The following CHD6 variants were observed in gnomAD, a reference collection of about 807,000 sequenced individuals.
The protein encoded by CHD6 is chromodomain helicase DNA binding protein 6.
CHD6 carries 50 observed loss-of-function variants against 276.9 expected under a neutral mutation model. The observed-to-expected ratio is 0.18, with a 90% CI of 0.14 to 0.23. The LOEUF (loss-of-function observed/expected upper bound fraction) is 0.23. Among genes scored for constraint, CHD6 ranks in the 10% least tolerant of loss-of-function variants. The probability of loss-of-function intolerance (pLI) is 1.00; values close to 1 mark genes in which losing one functional copy is unlikely to be tolerated. For missense variants in CHD6, 2,564 were observed against 3,365.8 expected, an observed-to-expected ratio of 0.76 and a Z score of 5.89; for synonymous variants, 1,173 against 1,229.3, an observed-to-expected ratio of 0.95 and a Z score of 0.96.
In CHD6 at chr20:41,417,312, G is replaced by C. The variant is rs1410250748; in HGVS notation, c.6165C>G (p.Ser2055Arg). The change falls in exon 32 of 37, where the codon AGC becomes AGG. Residue 2055 changes from serine (S) to arginine (R), a missense_variant. Physicochemically the swap from Ser to Arg is moderately radical, Grantham distance 110. Coordinates refer to ENST00000373233, the MANE Select transcript of CHD6 (RefSeq NM_032221.5). ...PGKYSEEESK[S>R]STSGITGDIG... ...TGTCTCCTGTGATGCCCGATGTTGA[G>C]CTCTTGCTCTCCTCTTCAGAGTACT... The C allele has an allele frequency of 1.1e-5, 17 of 1,614,004 alleles. No homozygotes were observed. Among genetic ancestry groups the C allele is most frequent in the Non-Finnish European group, 1.2e-5 (14 of 1,180,036 alleles).
chr20:41,489,729 G>C, intron 12 of CHD6, 49 bp downstream of exon 12: 6 of 1,610,006 alleles, frequency 3.7e-6, no homozygotes, highest in Non-Finnish European at 5.1e-6. Flanking sequence ...CAGAAAGGCT[G>C]TTCTGAGCTT....
intron 1 of CHD6, among the ~76,000 whole-genome samples, chr20:41,595,942 C>A (rs1194447947): frequency 6.6e-6 from 1 of 152,068 alleles, no homozygotes; most frequent in Non-Finnish European, 1.5e-5. Flanking sequence ...CCTCTACCCC[C>A]TAAAAGCTAC....
chr20:41,466,903 A>C (rs927787214), intron 17 of CHD6, among the ~76,000 whole-genome samples: 5 of 152,214 alleles, frequency 3.3e-5, no homozygotes, highest in African/African-American at 1.2e-4. Context: ...GAACCTCCTG[A>C]AGATATGTGC....
chr20:41,550,471 T>C (rs1568695962), intron 2 of CHD6, among the ~76,000 whole-genome samples: 1 of 152,192 alleles, frequency 6.6e-6, no homozygotes, highest in East Asian at 1.9e-4. Flanking sequence ...GTAGTCCTTG[T>C]AACCATAACC....
rs1266022655 is a variant in CHD6, at chr20:41,410,898, C to A, written c.7251+1246G>T. ...AGAACCGGAGATCTTCCCTTGATGG[C>A]GTATCTGAGACACCGTGTGCCGAGA... On this transcript the variant is annotated intron_variant, in intron 36 of 36. Transcript: ENST00000373233. 2.6e-5 allele frequency among the ~76,000 whole-genome samples: 4 copies of A among 152,014 alleles called. No homozygotes were observed. In the South Asian group the frequency reaches 8.3e-4, roughly 32 times the overall value.
Position 41,408,037 on chromosome 20 carries a change from T to C in CHD6, c.7252-2548A>G, listed in dbSNP as rs568890160. On this transcript the variant is annotated intron_variant, in intron 36 of 36. Transcript: ENST00000373233. ...GAAATATTTTTTGAACTCCTACACC[T>C]GTCCTTCAGTTTCCCAAGAATATTA... Among the ~76,000 whole-genome samples, 5 of 151,974 alleles carry C rather than the reference T, an allele frequency of 3.3e-5. No individual in the cohort carries two copies. The South Asian group carries it at 1.0e-3, about 32-fold the overall frequency.
intron 1 of CHD6, among the ~76,000 whole-genome samples, chr20:41,599,772 C>A (rs1447296570): frequency 1.3e-5 from 2 of 152,214 alleles, no homozygotes; most frequent in Non-Finnish European, 2.9e-5. Flanking sequence ...TGTTTCTCTG[C>A]TTAATCTATA....
intron 14 of CHD6, among the ~76,000 whole-genome samples, chr20:41,485,135 A>T (rs1285648606): frequency 6.6e-6 from 1 of 152,222 alleles, no homozygotes; most frequent in East Asian, 1.9e-4. Flanking sequence ...GTTATAGGTG[A>T]CATCTACTCT....
intron 6 of CHD6, among the ~76,000 whole-genome samples, 171 bp downstream of exon 6, chr20:41,499,124 T>C (rs562011725): frequency 2.0e-5 from 3 of 152,204 alleles, no homozygotes; most frequent in Non-Finnish European, 2.9e-5. Context: ...GAGTTTTATG[T>C]CCTAAAATGC....
chr20:41,610,913 G>C (rs571437348), intron 1 of CHD6, among the ~76,000 whole-genome samples: 9 of 152,312 alleles, frequency 5.9e-5, no homozygotes, highest in Admixed American at 3.9e-4. Context: ...GAGAACTACA[G>C]TGTTATACTT....
intron 17 of CHD6, among the ~76,000 whole-genome samples, chr20:41,469,361 T>A (rs755752406): frequency 6.6e-6 from 1 of 151,800 alleles, no homozygotes; most frequent in Non-Finnish European, 1.5e-5. Flanking sequence ...ATGCAAAAAG[T>A]CCCCCAGAGA....
chr20:41,512,750 C>A (rs1168090953), intron 5 of CHD6, 96 bp downstream of exon 5: 1 of 1,396,440 alleles, frequency 7.2e-7, no homozygotes, highest in East Asian at 2.3e-5. Context: ...TTAAAATGAT[C>A]TGACTTATGC....
In CHD6 at chr20:41,402,084, G is replaced by T. The variant is rs2046555097; in HGVS notation, c.*2509C>A. On this transcript the variant is annotated 3_prime_UTR_variant, in exon 37 of 37. Transcript: ENST00000373233. The stretch of plus-strand genomic sequence containing the variant: ...CACTGAATTCCTCAAATACAAATGT[G>T]ACTTTTAAACTTTTTCTTTTGTTTT... 1 of 184,212 alleles carries T rather than the reference G, an allele frequency of 5.4e-6. No homozygotes were observed. The highest frequency in any genetic ancestry group is 1.2e-5 in the Non-Finnish European group (1 of 86,766). The allele number at this position is 184,212 out of a possible 1,614,324, so 11.4% of individuals were successfully genotyped here. A position where few individuals can be genotyped will look rare whatever the true frequency, so the allele number is the denominator to read the frequency against.
Position 41,426,170 on chromosome 20 carries a change from C to A in CHD6, c.4069-17G>T, listed in dbSNP as rs777392968. 8.8e-6 allele frequency: 14 copies of A among 1,599,602 alleles called. 1 individual carries two copies. In the South Asian group the frequency reaches 1.5e-4, roughly 18 times the overall value. On this transcript the variant is annotated splice_polypyrimidine_tract_variant and intron_variant, in intron 27 of 36. Transcript: ENST00000373233. ...GGAACTCTCCTAGGGATAAATAAAG[C>A]CATCCCATCAGCAAAACTGCAGCTT...
At chr20:41,418,383 A>C (rs2047072866) in intron 31 of CHD6, among the ~76,000 whole-genome samples, 1 of 152,222 alleles carries the variant, frequency 6.6e-6, no homozygotes, top group African/African-American at 2.4e-5. Context: ...AGCTCCCATG[A>C]AGATGAGGAG....
intron 2 of CHD6, among the ~76,000 whole-genome samples, chr20:41,550,139 T>C (rs2045122224): frequency 6.6e-6 from 1 of 152,190 alleles, no homozygotes; most frequent in South Asian, 2.1e-4. Flanking sequence ...AATATTCCAC[T>C]AGGTGGGTGT....
At chr20:41,447,324 T>C (rs1006606719) in intron 24 of CHD6, among the ~76,000 whole-genome samples, 2 of 152,174 alleles carry the variant, frequency 1.3e-5, no homozygotes, top group South Asian at 2.1e-4. Flanking sequence ...ATTTATAAAC[T>C]GGGGCTTTCT....
At chr20:41,467,749 G>A (rs180790093) in intron 17 of CHD6, among the ~76,000 whole-genome samples, 1 of 151,006 alleles carries the variant, frequency 6.6e-6, no homozygotes, top group Admixed American at 6.6e-5. Flanking sequence ...GCTGAGAACA[G>A]GAAGGACAGA....
At chr20:41,556,581 G>C (rs569835531) in intron 1 of CHD6, among the ~76,000 whole-genome samples, 104 of 152,316 alleles carry the variant, frequency 6.8e-4, no homozygotes, top group Non-Finnish European at 1.3e-3. Flanking sequence ...CTCTGAGGCA[G>C]AGAGAATGTG....
Sources: gnomAD v4.1 joint callset for allele counts (sites outside exome capture counted in the v4.1 genomes callset) on GRCh38, gnomAD v4.1.1 for gene constraint, MANE v1.5 for transcripts, NCBI Gene and HGNC (gene_info 2026-07-23, HGNC 2026-07-21) for gene names.